Variants in TCF7L2 observed in about 807,000 individuals in gnomAD.
TCF7L2 encodes the protein transcription factor 7 like 2.
TCF7L2 carries 23 observed loss-of-function variants against 77.9 expected under a neutral mutation model. The ratio of observed to expected loss-of-function variants is 0.30; its 90% CI spans 0.21 to 0.42. The LOEUF (loss-of-function observed/expected upper bound fraction) is 0.42. Among genes scored for constraint, TCF7L2 ranks in the 10% least tolerant of loss-of-function variants. TCF7L2 has a pLI of 1.00. For synonymous variants in TCF7L2, 413 were observed against 340.2 expected (o/e 1.21, Z -2.36); for missense variants, 654 against 793.1 (o/e 0.82, Z 2.11).
In TCF7L2 at chr10:113,008,957, T is replaced by C. The variant is rs147487495; in HGVS notation, c.451-31068T>C. On this transcript the variant is annotated intron_variant, in intron 4 of 13. Coordinates refer to ENST00000627217, the MANE Select transcript of TCF7L2 (RefSeq NM_001146274.2). ...TTTTTTGTTTTGTTTTGTTTTTGTT[T>C]TTGAGACTGAGTCTTGCTCTGTTGC... is the stretch of plus-strand genomic sequence containing the variant. Among the ~76,000 whole-genome samples, 506 of 152,282 alleles carry C rather than the reference T, an allele frequency of 3.3e-3. 10 individuals are homozygous for C. Among genetic ancestry groups the C allele is most frequent in the East Asian group, 0.017 (86 of 5,182 alleles).
At chr10:112,956,344 CTTTTTTTTTT>C (rs10711698) in intron 3 of TCF7L2, among the ~76,000 whole-genome samples, 35 of 112,238 alleles carry the variant, frequency 3.1e-4, no homozygotes, top group African/African-American at 1.1e-3. Flanking sequence ...AGTGATTTAC[CTTTTTTTTTT>C]TTTTTTTTTT....
chr10:113,048,646 T>C (rs919410313), intron 5 of TCF7L2, among the ~76,000 whole-genome samples: 5 of 152,204 alleles, frequency 3.3e-5, no homozygotes, highest in African/African-American at 1.2e-4. Context: ...TCCAACCTTA[T>C]ACATTCCAGC....
chr10:113,017,613 A>G (rs1373543301), intron 4 of TCF7L2, among the ~76,000 whole-genome samples: 1 of 152,206 alleles, frequency 6.6e-6, no homozygotes, highest in Non-Finnish European at 1.5e-5. Context: ...AGGCTGGTCC[A>G]CTGGAGACAC....
intron 5 of TCF7L2, among the ~76,000 whole-genome samples, chr10:113,047,705 A>G (rs1020903302): frequency 1.3e-5 from 2 of 152,060 alleles, no homozygotes; most frequent in Non-Finnish European, 2.9e-5. Context: ...ATTCGATGCT[A>G]TGTGTGAGCT....
chr10:113,098,429 G>C (rs1314821633), intron 5 of TCF7L2, among the ~76,000 whole-genome samples: 2 of 152,016 alleles, frequency 1.3e-5, no homozygotes, highest in Admixed American at 1.3e-4. Flanking sequence ...ATTTTAGGCC[G>C]GGCTCGGTGG....
intron 4 of TCF7L2, among the ~76,000 whole-genome samples, chr10:112,975,068 C>A (rs919515769): frequency 6.6e-6 from 1 of 151,626 alleles, no homozygotes; most frequent in Non-Finnish European, 1.5e-5. Context: ...GGGGGTTCCA[C>A]CAAAACCACT....
At chr10:112,983,360 A>G (rs1423710843) in intron 4 of TCF7L2, among the ~76,000 whole-genome samples, 1 of 151,342 alleles carries the variant, frequency 6.6e-6, no homozygotes, top group Non-Finnish European at 1.5e-5. Flanking sequence ...AGTCCCAGCT[A>G]CTCCGGAGGC....
intron 2 of TCF7L2, 65 bp downstream of exon 2, chr10:112,951,338 C>T (rs1283836015): frequency 6.1e-6 from 6 of 982,254 alleles, no homozygotes; most frequent in Admixed American, 6.4e-5. Flanking sequence ...GCCCCGCGCG[C>T]CCCGGCCCCG....
At chr10:113,025,644 G>A (rs1474233324) in intron 4 of TCF7L2, among the ~76,000 whole-genome samples, 1 of 152,156 alleles carries the variant, frequency 6.6e-6, no homozygotes, top group African/African-American at 2.4e-5. Context: ...GCCTCGCAAA[G>A]TGCTGGGATT....
intron 4 of TCF7L2, among the ~76,000 whole-genome samples, chr10:112,988,673 A>G (rs980100189): frequency 1.3e-5 from 2 of 152,310 alleles, no homozygotes; most frequent in South Asian, 2.1e-4. Context: ...GGCTGGCATT[A>G]TTCCGTGATG....
At chr10:113,086,386 C>T (rs1032405189) in intron 5 of TCF7L2, among the ~76,000 whole-genome samples, 2 of 152,206 alleles carry the variant, frequency 1.3e-5, no homozygotes, top group African/African-American at 4.8e-5. Context: ...GAACCATCTC[C>T]TTCCAGTTCT....
At chr10:113,064,482 C>T (rs1308459239) in intron 5 of TCF7L2, among the ~76,000 whole-genome samples, 1 of 152,218 alleles carries the variant, frequency 6.6e-6, no homozygotes, top group Non-Finnish European at 1.5e-5. Context: ...ACCTGTAACA[C>T]TTTTATAAGG....
rs562696645 is a variant in TCF7L2, at chr10:113,118,613, T to C, written c.553-22571T>C. Among the ~76,000 whole-genome samples the C allele has an allele frequency of 8.1e-4, 122 of 150,578 alleles. 1 individual carries two copies. The South Asian group carries it at 0.026, about 32-fold the overall frequency. On this transcript the variant is annotated intron_variant, in intron 5 of 13. Transcript: ENST00000627217. ...AGAACCCAGGAAAATGGATAGGCCC[T>C]ACCAGGAGAGGCTGCAATCTGTTGG...
At chr10:113,079,022 G>T in intron 5 of TCF7L2, among the ~76,000 whole-genome samples, 1 of 151,628 alleles carries the variant, frequency 6.6e-6, no homozygotes, top group East Asian at 1.9e-4. Flanking sequence ...TAATAGAGAC[G>T]GGGGTTTCAC....
At chr10:113,157,143 A>T (rs537258625) in intron 11 of TCF7L2, among the ~76,000 whole-genome samples, 13 of 152,236 alleles carry the variant, frequency 8.5e-5, no homozygotes, top group Admixed American at 2.0e-4. Flanking sequence ...TTTTAAACAG[A>T]GTTTTGCTCT....
chr10:112,972,744 T>A (rs1328664034), intron 4 of TCF7L2, among the ~76,000 whole-genome samples: 1 of 152,224 alleles, frequency 6.6e-6, no homozygotes, highest in Non-Finnish European at 1.5e-5. Flanking sequence ...GTGCTGGGAT[T>A]ACAGGCGTGA....
chr10:113,091,884 C>T (rs2135683212), intron 5 of TCF7L2, among the ~76,000 whole-genome samples: 1 of 152,310 alleles, frequency 6.6e-6, no homozygotes, highest in Non-Finnish European at 1.5e-5. Flanking sequence ...CAGGGAGGCC[C>T]CCTTTTCTCT....
chr10:113,119,281 T>C (rs1318148572), intron 5 of TCF7L2, among the ~76,000 whole-genome samples: 1 of 152,208 alleles, frequency 6.6e-6, no homozygotes, highest in Non-Finnish European at 1.5e-5. Flanking sequence ...TGGTCTCCGA[T>C]GGTGATTTAG....
chr10:113,107,471 T>C, intron 5 of TCF7L2, among the ~76,000 whole-genome samples: 1 of 151,722 alleles, frequency 6.6e-6, no homozygotes, highest in Middle Eastern at 3.2e-3. Context: ...CGGCCGGGCG[T>C]GGTGGCTCAT....
Sources: gnomAD v4.1 joint callset for allele counts (sites outside exome capture counted in the v4.1 genomes callset) on GRCh38, gnomAD v4.1.1 for gene constraint, MANE v1.5 for transcripts, NCBI Gene and HGNC (gene_info 2026-07-23, HGNC 2026-07-21) for gene names.